Variants in TMTC2 observed in about 807,000 individuals in gnomAD.
TMTC2 encodes protein O-mannosyl-transferase TMTC2.
Under a neutral mutation model 82.4 loss-of-function variants are expected in TMTC2, and 43 were observed. The ratio of observed to expected loss-of-function variants is 0.52; its 90% CI spans 0.41 to 0.67. The LOEUF is 0.67. TMTC2 is among the 30% of genes least tolerant of loss of function. TMTC2 has a pLI of 0.00. For missense variants in TMTC2, 919 were observed against 1,012.4 expected (o/e 0.91, Z 1.25); for synonymous variants, 408 against 381.9 (o/e 1.07, Z -0.80).
intron 9 of TMTC2, among the ~76,000 whole-genome samples, chr12:83,042,380 T>C (rs1308818577): frequency 6.6e-6 from 1 of 152,214 alleles, no homozygotes; most frequent in Non-Finnish European, 1.5e-5. Flanking sequence ...TGCTCACCTC[T>C]GGATCTCTAA....
intron 1 of TMTC2, among the ~76,000 whole-genome samples, chr12:82,799,069 T>C (rs543111435): frequency 6.6e-6 from 1 of 152,306 alleles, no homozygotes; most frequent in East Asian, 1.9e-4. Flanking sequence ...CAGTCTGATA[T>C]TCTTGCTATA....
intron 1 of TMTC2, among the ~76,000 whole-genome samples, chr12:82,714,993 C>A (rs1221722192): frequency 6.6e-6 from 1 of 151,858 alleles, no homozygotes; most frequent in Admixed American, 6.6e-5. Context: ...ACAAATCTGC[C>A]GGGCACGGTG....
intron 3 of TMTC2, among the ~76,000 whole-genome samples, chr12:82,903,268 T>C (rs977392263): frequency 2.6e-5 from 4 of 152,330 alleles, no homozygotes; most frequent in African/African-American, 7.2e-5. Context: ...CCTATCCTCT[T>C]TCCATGCTTC....
At chr12:83,026,708 G>T (rs1256350955) in intron 8 of TMTC2, among the ~76,000 whole-genome samples, 1 of 65,662 alleles carries the variant, frequency 1.5e-5, no homozygotes, top group Non-Finnish European at 3.0e-5. Flanking sequence ...TTGAAGGAGT[G>T]TGTGTGTGTG....
At position 82,777,802 on chromosome 12, in the gene TMTC2, T is replaced by G. The variant is rs75376955; in HGVS notation, c.84-79208T>G. On this transcript the variant is annotated intron_variant, in intron 1 of 11. Coordinates refer to ENST00000321196, the MANE Select transcript of TMTC2 (RefSeq NM_152588.3). ...CAGCTGAAATTTTTGCTCTTGCACA[T>G]TCATCTCTTCAGTGGCTCCTAAATT... 3.7e-4 allele frequency among the ~76,000 whole-genome samples: 57 copies of G among 152,258 alleles called. 1 individual carries two copies. The East Asian group carries it at 9.7e-3, about 26-fold the overall frequency.
At chr12:82,935,043 T>C (rs1228131688) in intron 4 of TMTC2, among the ~76,000 whole-genome samples, 2 of 152,162 alleles carry the variant, frequency 1.3e-5, no homozygotes, top group South Asian at 2.1e-4. Context: ...AGAAATAAAA[T>C]ATTTAGAATT....
At chr12:82,804,174 A>G (rs1458065027) in intron 1 of TMTC2, among the ~76,000 whole-genome samples, 4 of 152,154 alleles carry the variant, frequency 2.6e-5, no homozygotes, top group Non-Finnish European at 5.9e-5. Context: ...AGCCTCACAG[A>G]ATAGTCCAGG....
intron 1 of TMTC2, among the ~76,000 whole-genome samples, chr12:82,785,145 C>A (rs1347813477): frequency 2.0e-5 from 3 of 152,062 alleles, no homozygotes; most frequent in Non-Finnish European, 4.4e-5. Flanking sequence ...TACTTTGAGG[C>A]CTCTCTTTAG....
At chr12:82,720,911 A>T (rs1874178713) in intron 1 of TMTC2, among the ~76,000 whole-genome samples, 1 of 152,244 alleles carries the variant, frequency 6.6e-6, no homozygotes, top group African/African-American at 2.4e-5. Flanking sequence ...CCTGGTTGAA[A>T]AAACATTTTA....
At chr12:82,691,817 G>A (rs544016864) in intron 1 of TMTC2, among the ~76,000 whole-genome samples, 1 of 152,212 alleles carries the variant, frequency 6.6e-6, no homozygotes, top group Non-Finnish European at 1.5e-5. Flanking sequence ...AATTAAGTAA[G>A]GGAGAAGCTC....
chr12:82,988,487 A>C (rs1879265338), intron 8 of TMTC2, among the ~76,000 whole-genome samples: 1 of 152,076 alleles, frequency 6.6e-6, no homozygotes, highest in Non-Finnish European at 1.5e-5. Flanking sequence ...ACCTGCCTTC[A>C]AGGCAAGGGA....
rs193258873 is a variant in TMTC2 at position 82,958,959 on chromosome 12, A to G, written c.1599-6065A>G. Reference sequence around the variant, plus strand: ...CTCTGCCAAAAGGCTACTGGAACTGATAAATGACTTCAATAAAGTTTCATG... The same window carrying G: ...CTCTGCCAAAAGGCTACTGGAACTGGTAAATGACTTCAATAAAGTTTCATG... On this transcript the variant is annotated intron_variant, in intron 4 of 11. Coordinates refer to ENST00000321196, the MANE Select transcript of TMTC2 (RefSeq NM_152588.3). Among the ~76,000 whole-genome samples, 20 of 152,302 alleles carry G rather than the reference A, an allele frequency of 1.3e-4. 1 individual carries two copies.
At chr12:83,041,762 A>G (rs1479548313) in intron 9 of TMTC2, among the ~76,000 whole-genome samples, 1 of 151,174 alleles carries the variant, frequency 6.6e-6, no homozygotes, top group East Asian at 1.9e-4. Flanking sequence ...TTTAAGGGAA[A>G]ATTAATGGAT....
chr12:83,078,910 A>C (rs1372259693), intron 11 of TMTC2, among the ~76,000 whole-genome samples: 1 of 152,132 alleles, frequency 6.6e-6, no homozygotes, highest in Non-Finnish European at 1.5e-5. Context: ...AATAATTAGA[A>C]ATGATCCTTT....
intron 1 of TMTC2, among the ~76,000 whole-genome samples, chr12:82,743,046 T>C (rs932373932): frequency 6.6e-6 from 1 of 152,240 alleles, no homozygotes; most frequent in African/African-American, 2.4e-5. Context: ...CAATAGTAGC[T>C]GTGTGGCTGT....
At chr12:83,063,274 A>G (rs79361713) in intron 11 of TMTC2, among the ~76,000 whole-genome samples, 8,900 of 137,624 alleles carry the variant, frequency 0.065, 307 homozygotes, top group East Asian at 0.089. Context: ...GTTATAAAAT[A>G]ACCCTCCTTC....
At chr12:82,821,375 T>C (rs1869100081) in intron 1 of TMTC2, among the ~76,000 whole-genome samples, 1 of 152,210 alleles carries the variant, frequency 6.6e-6, no homozygotes, top group Admixed American at 6.5e-5. Context: ...GCCAAGTTTG[T>C]AAATACTGTT....
At chr12:82,812,762 A>G (rs1868471068) in intron 1 of TMTC2, among the ~76,000 whole-genome samples, 1 of 151,902 alleles carries the variant, frequency 6.6e-6, no homozygotes, top group Non-Finnish European at 1.5e-5. Flanking sequence ...TTTTTTATGA[A>G]AATCTTGTAA....
intron 1 of TMTC2, among the ~76,000 whole-genome samples, chr12:82,788,998 CA>C (rs1373373988): frequency 1.3e-5 from 2 of 152,016 alleles, no homozygotes; most frequent in African/African-American, 2.4e-5. Context: ...GACTCTGCCT[CA>C]AAAAATAGAT....
Sources: allele counts gnomAD v4.1 joint callset (sites outside exome capture counted in the v4.1 genomes callset), GRCh38; gene constraint gnomAD v4.1.1; transcripts MANE v1.5; gene names NCBI Gene and HGNC (gene_info 2026-07-23, HGNC 2026-07-21).